The following TENM2 variants were observed in gnomAD, a reference collection of about 807,000 sequenced individuals.
TENM2 encodes the protein teneurin transmembrane protein 2, also known as teneurin-2.
A neutral mutation model predicts 245.2 loss-of-function variants in TENM2; 52 were observed. The ratio of observed to expected loss-of-function variants is 0.21; its 90% confidence interval spans 0.17 to 0.27. The LOEUF (loss-of-function observed/expected upper bound fraction) is 0.27. Ranked by LOEUF, TENM2 falls within the 10% of genes least tolerant of loss-of-function variation. The pLI, the probability that TENM2 is intolerant of heterozygous loss-of-function variation, is 1.00. For missense variants in TENM2, 3,046 were observed against 3,666.8 expected (o/e 0.83, Z 4.37); for synonymous variants, 1,363 against 1,438.9 (o/e 0.95, Z 1.19).
intron 2 of TENM2, among the ~76,000 whole-genome samples, chr5:167,523,449 C>A (rs1226429317): frequency 1.3e-5 from 2 of 152,060 alleles, no homozygotes; most frequent in Non-Finnish European, 2.9e-5. Flanking sequence ...CAATTCAATT[C>A]AACAAGCTAG....
intron 1 of TENM2, among the ~76,000 whole-genome samples, chr5:167,303,784 G>A (rs1378689346): frequency 1.3e-5 from 2 of 152,066 alleles, no homozygotes; most frequent in Non-Finnish European, 2.9e-5. Flanking sequence ...TAAGATAAAC[G>A]GGGGAAATAG....
intron 1 of TENM2, among the ~76,000 whole-genome samples, chr5:167,288,516 G>A (rs1284069998): frequency 1.4e-5 from 2 of 147,534 alleles, no homozygotes; most frequent in African/African-American, 2.6e-5. Flanking sequence ...CGGAGATCGC[G>A]CCACTGCACT....
the TENM2 span, among the ~76,000 whole-genome samples, chr5:167,084,235 A>C: frequency 1.4e-5 from 2 of 147,832 alleles, no homozygotes; most frequent in African/African-American, 2.5e-5. Context: ...TTTGCTGAAA[A>C]ATATTTTGAA....
At chr5:168,134,618 C>G (rs565732949) in intron 12 of TENM2, among the ~76,000 whole-genome samples, 2 of 152,138 alleles carry the variant, frequency 1.3e-5, no homozygotes, top group Admixed American at 1.3e-4. Context: ...ACTCGGGAGG[C>G]AGAGGTTGCA....
intron 9 of TENM2, among the ~76,000 whole-genome samples, chr5:168,112,606 C>G (rs867488423): frequency 8.0e-4 from 51 of 64,072 alleles, no homozygotes; most frequent in Middle Eastern, 8.9e-3. Context: ...GTGCAGTGGG[C>G]GGGGGGGGGG....
chr5:168,215,625 C>T (rs1167101595), intron 21 of TENM2, among the ~76,000 whole-genome samples: 3 of 152,172 alleles, frequency 2.0e-5, no homozygotes, highest in Non-Finnish European at 4.4e-5. Context: ...GCCGAGATCG[C>T]GCCACTGCAC....
At chr5:167,669,492 AAC>A (rs1356685387) in intron 2 of TENM2, among the ~76,000 whole-genome samples, 1 of 152,202 alleles carries the variant, frequency 6.6e-6, no homozygotes, top group Non-Finnish European at 1.5e-5. Context: ...GAAAAAGAAA[AAC>A]ACAAATTAGT....
chr5:167,910,123 G>A (rs548213403), intron 3 of TENM2, among the ~76,000 whole-genome samples: 1 of 152,090 alleles, frequency 6.6e-6, no homozygotes, highest in Non-Finnish European at 1.5e-5. Flanking sequence ...GTTCTCTCAT[G>A]GTTTTGGAAT....
At chr5:167,616,700 G>A (rs1777807518) in intron 2 of TENM2, among the ~76,000 whole-genome samples, 1 of 152,048 alleles carries the variant, frequency 6.6e-6, no homozygotes. Context: ...GGGCTGCATT[G>A]CTTTTGGCTG....
At chr5:167,375,351 A>G (rs1468376930) in exon 2 of TENM2, 5 of 1,551,564 alleles carry the variant, frequency 3.2e-6, no homozygotes, top group Middle Eastern at 1.7e-4. Context: ...TCTCCAGAAC[A>G]CGCCATCAGA....
At chr5:167,135,746 A>C in the TENM2 span, among the ~76,000 whole-genome samples, 1 of 152,134 alleles carries the variant, frequency 6.6e-6, no homozygotes, top group Non-Finnish European at 1.5e-5. Flanking sequence ...CAGTGAGCCG[A>C]GATTGCGCAA....
exon 12 of TENM2, chr5:168,126,831 G>A (rs370487632): frequency 1.9e-5 from 31 of 1,612,864 alleles, no homozygotes; most frequent in Middle Eastern, 1.7e-4. Flanking sequence ...CTGGACAGGC[G>A]CAGCGTGTGA....
chr5:167,119,970 TAGAG>T, the TENM2 span, among the ~76,000 whole-genome samples: 1 of 152,020 alleles, frequency 6.6e-6, no homozygotes, highest in Admixed American at 6.6e-5. Flanking sequence ...GGCTTGGAGA[TAGAG>T]AGGATCTTCA....
At chr5:168,108,904 G>A (rs1470444965) in intron 9 of TENM2, among the ~76,000 whole-genome samples, 1 of 152,136 alleles carries the variant, frequency 6.6e-6, no homozygotes, top group Non-Finnish European at 1.5e-5. Context: ...AGGGTAGCTG[G>A]TCCTCCCCGT....
intron 2 of TENM2, among the ~76,000 whole-genome samples, chr5:167,552,226 C>T (rs1053451001): frequency 5.3e-5 from 8 of 152,282 alleles, no homozygotes; most frequent in Non-Finnish European, 8.8e-5. Context: ...TTAATCAGAA[C>T]TCCATAAAAT....
Position 168,244,440 on chromosome 5 carries a change from G to T in TENM2, c.5541G>T (p.Leu1847Phe). The change falls in exon 26 of 29, where the codon TTG (leucine) becomes TTT (phenylalanine). Residue 1847 changes from leucine (L) to phenylalanine (F), a missense_variant. Transcript: ENST00000518659. This position sits in a 1 kb window ranked among gnomAD's most constrained non-coding sequence, Gnocchi z 4.9. ...CCTAGGTCCATGGAAGAAATCTCTTGTCCATTGACTATGATCGAAATATTC... is the reference window on the plus strand; with the variant it reads ...CCTAGGTCCATGGAAGAAATCTCTTTTCCATTGACTATGATCGAAATATTC... 3 of 1,562,416 alleles carry T rather than the reference G, an allele frequency of 1.9e-6. No individual in the cohort carries two copies. The highest frequency in any genetic ancestry group is 2.6e-6 in the Non-Finnish European group (3 of 1,146,904).
chr5:167,536,423 G>A (rs1221880063), intron 2 of TENM2, among the ~76,000 whole-genome samples: 1 of 151,738 alleles, frequency 6.6e-6, no homozygotes, highest in African/African-American at 2.4e-5. Flanking sequence ...GTAAGGCTTT[G>A]TGAGCCATAA....
chr5:167,197,621 C>T, the TENM2 span, among the ~76,000 whole-genome samples: 7 of 151,984 alleles, frequency 4.6e-5, no homozygotes, highest in Admixed American at 3.3e-4. Flanking sequence ...TAAGCTGTGT[C>T]CTGGGACTTC....
At chr5:167,995,293 T>C (rs950510529) in intron 5 of TENM2, among the ~76,000 whole-genome samples, 3 of 152,220 alleles carry the variant, frequency 2.0e-5, no homozygotes, top group African/African-American at 7.2e-5. Flanking sequence ...TAATCAGGTA[T>C]GTAACTTGTA....
Sources: gnomAD v4.1 joint callset for allele counts (sites outside exome capture counted in the v4.1 genomes callset) on GRCh38, gnomAD v4.1.1 for gene constraint, Gnocchi (gnomAD v3.1) non-coding constraint, MANE v1.5 for transcripts, NCBI Gene and HGNC (gene_info 2026-07-23, HGNC 2026-07-21) for gene names.